TAFA5: variants seen among roughly 807,000 people sequenced by gnomAD.
The protein encoded by TAFA5 is chemokine-like protein TAFA-5.
TAFA5 carries 6 observed loss-of-function variants against 15.3 expected under a neutral mutation model. The ratio of observed to expected loss-of-function variants is 0.39; its 90% CI spans 0.21 to 0.77. The LOEUF (loss-of-function observed/expected upper bound fraction) is 0.77. Among genes scored for constraint, TAFA5 ranks in the 30% least tolerant of loss-of-function variants. TAFA5 has a pLI of 0.41. For missense variants in TAFA5, 161 were observed against 193.1 expected (o/e 0.83, Z 0.98); for synonymous variants, 103 against 80.7 (o/e 1.28, Z -1.48).
chr22:48,561,231 C>G (rs1923219428), intron 1 of TAFA5, among the ~76,000 whole-genome samples: 1 of 152,164 alleles, frequency 6.6e-6, no homozygotes, highest in Non-Finnish European at 1.5e-5. Context: ...TTGCTGGTAC[C>G]TCTATCACCA....
intron 1 of TAFA5, among the ~76,000 whole-genome samples, chr22:48,523,831 G>A (rs911626431): frequency 6.6e-6 from 1 of 152,186 alleles, no homozygotes; most frequent in African/African-American, 2.4e-5. Flanking sequence ...GTGGACGCAG[G>A]GTCCTCTCTG....
intron 3 of TAFA5, among the ~76,000 whole-genome samples, chr22:48,748,150 TCAGGTGCCCG>T (rs1037977858): frequency 6.6e-6 from 1 of 152,204 alleles, no homozygotes; most frequent in Non-Finnish European, 1.5e-5. Context: ...GGGCCAAGCA[TCAGGTGCCCG>T]CAGGTGAAGC....
At chr22:48,575,477 G>A (rs895797266) in intron 1 of TAFA5, among the ~76,000 whole-genome samples, 124 of 146,218 alleles carry the variant, frequency 8.5e-4, no homozygotes, top group African/African-American at 2.9e-3. Flanking sequence ...CCCTCCCGCC[G>A]CCTCCCCCGA....
intron 1 of TAFA5, among the ~76,000 whole-genome samples, chr22:48,562,438 C>T (rs1402851797): frequency 1.3e-5 from 2 of 152,216 alleles, no homozygotes; most frequent in East Asian, 3.9e-4. Context: ...GCGCCCGGCC[C>T]CGCGGAGCCT....
intron 1 of TAFA5, among the ~76,000 whole-genome samples, chr22:48,563,458 G>A (rs1320853562): frequency 1.3e-5 from 2 of 152,210 alleles, no homozygotes; most frequent in Non-Finnish European, 2.9e-5. Flanking sequence ...GGCTGGTGTT[G>A]GCCGCATATC....
At chr22:48,658,095 G>A (rs1025575455) in intron 2 of TAFA5, among the ~76,000 whole-genome samples, 4 of 152,196 alleles carry the variant, frequency 2.6e-5, no homozygotes, top group African/African-American at 4.8e-5. Flanking sequence ...GTGCTGGCGC[G>A]GGCCCTGATT....
chr22:48,579,406 C>T (rs1923947708), intron 1 of TAFA5, among the ~76,000 whole-genome samples: 2 of 152,198 alleles, frequency 1.3e-5, no homozygotes, highest in African/African-American at 4.8e-5. Context: ...GAGAGCCGTC[C>T]TTTCTTCTGA....
chr22:48,501,718 TC>T (rs1920953087), intron 1 of TAFA5, among the ~76,000 whole-genome samples: 1 of 152,168 alleles, frequency 6.6e-6, no homozygotes, highest in Non-Finnish European at 1.5e-5. Flanking sequence ...GCATCTCCTT[TC>T]CTGTCCCCTG....
intron 2 of TAFA5, among the ~76,000 whole-genome samples, chr22:48,695,788 G>A (rs1928691450): frequency 6.6e-6 from 1 of 152,156 alleles, no homozygotes; most frequent in Admixed American, 6.5e-5. Flanking sequence ...GGGCTTCCTG[G>A]TGCTGGAAAA....
chr22:48,704,035 C>T (rs1400058435), intron 2 of TAFA5, among the ~76,000 whole-genome samples: 3 of 152,190 alleles, frequency 2.0e-5, no homozygotes, highest in African/African-American at 7.2e-5. Flanking sequence ...CCCCGTTCAG[C>T]TCAAGATGAG....
chr22:48,632,089 G>A (rs1926250433), intron 1 of TAFA5, among the ~76,000 whole-genome samples: 1 of 152,188 alleles, frequency 6.6e-6, no homozygotes, highest in African/African-American at 2.4e-5. Context: ...GGCCGGACGT[G>A]GTCTTCCTAA....
intron 1 of TAFA5, among the ~76,000 whole-genome samples, chr22:48,562,602 C>A (rs1923276010): frequency 6.6e-6 from 1 of 152,182 alleles, no homozygotes; most frequent in African/African-American, 2.4e-5. Context: ...GAATTTAGCT[C>A]CTGTGGGGAC....
intron 3 of TAFA5, among the ~76,000 whole-genome samples, chr22:48,737,210 C>T (rs1269340940): frequency 6.6e-6 from 1 of 152,188 alleles, no homozygotes; most frequent in South Asian, 2.1e-4. Context: ...CTGTCCCACC[C>T]CAAATGGCCA....
intron 1 of TAFA5, among the ~76,000 whole-genome samples, chr22:48,587,716 C>G (rs558603292): frequency 4.0e-4 from 61 of 152,332 alleles, no homozygotes; most frequent in African/African-American, 1.4e-3. Flanking sequence ...TCCCCACTTC[C>G]CCGGCCCTCA....
chr22:48,504,642 C>T (rs1488751356), intron 1 of TAFA5, among the ~76,000 whole-genome samples: 1 of 152,190 alleles, frequency 6.6e-6, no homozygotes, highest in Non-Finnish European at 1.5e-5. Flanking sequence ...AGAGGGGGCT[C>T]CCTGTTTGGG....
At chr22:48,579,788 G>A (rs904635837) in intron 1 of TAFA5, among the ~76,000 whole-genome samples, 8 of 152,202 alleles carry the variant, frequency 5.3e-5, no homozygotes, top group Admixed American at 2.6e-4. Flanking sequence ...GAAGGAATGC[G>A]GCAAGCCTGG....
rs1315822519 is a variant in TAFA5, at chr22:48,490,064, C to T, written c.112+360C>T. 6.6e-6 allele frequency among the ~76,000 whole-genome samples: 1 copy of T among 151,940 alleles called. No individual in the cohort carries two copies. Among genetic ancestry groups the T allele is most frequent in the Non-Finnish European group, 1.5e-5 (1 of 67,948 alleles). On this transcript the variant is annotated intron_variant, in intron 1 of 3. Coordinates refer to ENST00000402357, the MANE Select transcript of TAFA5 (RefSeq NM_001082967.3). The surrounding 1 kb of genome is among the most constrained non-coding windows in gnomAD (Gnocchi z 5.8). Reference sequence around the variant, plus strand: ...GCGCTCAGGAGGCAGCCGCAGGTCGCGGAGGGCGGGCGGCGCTGCCGGGGT... The same window carrying T: ...GCGCTCAGGAGGCAGCCGCAGGTCGTGGAGGGCGGGCGGCGCTGCCGGGGT...
chr22:48,601,741 G>A (rs1924981344), intron 1 of TAFA5, among the ~76,000 whole-genome samples: 1 of 152,144 alleles, frequency 6.6e-6, no homozygotes, highest in Non-Finnish European at 1.5e-5. Context: ...CCAGGTATGT[G>A]TGTTCTGCCT....
chr22:48,660,606 G>A (rs946183961), intron 2 of TAFA5, among the ~76,000 whole-genome samples: 1 of 152,370 alleles, frequency 6.6e-6, no homozygotes, highest in African/African-American at 2.4e-5. Flanking sequence ...GTTTTCAGGA[G>A]AACAGCTGCA....
Sources: allele counts gnomAD v4.1 joint callset (sites outside exome capture counted in the v4.1 genomes callset), GRCh38; gene constraint gnomAD v4.1.1; non-coding constraint Gnocchi (gnomAD v3.1); transcripts MANE v1.5; gene names NCBI Gene and HGNC (gene_info 2026-07-23, HGNC 2026-07-21).